IL1RL2: variants seen among roughly 807,000 people sequenced by gnomAD.
The protein encoded by IL1RL2 is interleukin 1 receptor like 2, also known as interleukin-1 receptor-like 2.
A neutral mutation model predicts 66.8 loss-of-function variants in IL1RL2; 68 were observed. The ratio of observed to expected loss-of-function variants is 1.02; its 90% CI spans 0.84 to 1.25. IL1RL2 has a LOEUF of 1.25. Ranked by LOEUF, IL1RL2 falls within the 50% of genes most tolerant of loss-of-function variation. The probability of loss-of-function intolerance (pLI) is 0.00; values close to 1 mark genes in which losing one functional copy is unlikely to be tolerated. For synonymous variants in IL1RL2, 305 were observed against 264.6 expected (o/e 1.15, Z -1.48); for missense variants, 729 against 709.3 (o/e 1.03, Z -0.32).
intron 6 of IL1RL2, among the ~76,000 whole-genome samples, chr2:102,212,549 A>G (rs758646983): frequency 6.6e-6 from 1 of 152,242 alleles, no homozygotes; most frequent in African/African-American, 2.4e-5. Flanking sequence ...TGCAAGATAT[A>G]TTACAGGAGT....
intron 8 of IL1RL2, among the ~76,000 whole-genome samples, chr2:102,221,505 T>A (rs1690126623): frequency 6.6e-6 from 1 of 152,224 alleles, no homozygotes; most frequent in Non-Finnish European, 1.5e-5. Flanking sequence ...TTAGTGGGAC[T>A]CCTGTATCTT....
chr2:102,227,246 G>A (rs1330180292), intron 9 of IL1RL2, among the ~76,000 whole-genome samples: 1 of 152,162 alleles, frequency 6.6e-6, no homozygotes, highest in African/African-American at 2.4e-5. Flanking sequence ...CCAGAGGCCT[G>A]AGTGACAAGA....
At chr2:102,205,391 C>T (rs7558268) in intron 5 of IL1RL2, among the ~76,000 whole-genome samples, 42,627 of 151,950 alleles carry the variant, frequency 0.28, 6,604 homozygotes, top group East Asian at 0.39. Flanking sequence ...CATTAATGTC[C>T]TTTTCTTTCT....
chr2:102,188,444 C>A (rs1805232), intron 2 of IL1RL2, among the ~76,000 whole-genome samples: 1 of 151,890 alleles, frequency 6.6e-6, no homozygotes, highest in African/African-American at 2.4e-5. Flanking sequence ...AAAAATTAGC[C>A]GGGCGCGGTG....
downstream of IL1RL2, among the ~76,000 whole-genome samples, chr2:102,240,639 T>C (rs1032090583): frequency 2.0e-5 from 3 of 152,222 alleles, no homozygotes; most frequent in East Asian, 1.9e-4. Context: ...AACTTATGCC[T>C]TTCCACTGCA....
chr2:102,201,136 C>T (rs1010539153), intron 4 of IL1RL2, among the ~76,000 whole-genome samples: 3 of 152,028 alleles, frequency 2.0e-5, no homozygotes, highest in African/African-American at 7.3e-5. Flanking sequence ...AGGTGGAGGA[C>T]ATTCCTGCCT....
chr2:102,188,040 A>G, intron 2 of IL1RL2, 115 bp downstream of exon 2: 1 of 967,938 alleles, frequency 1.0e-6, no homozygotes, highest in Non-Finnish European at 1.7e-6. Context: ...TCCCCTCCCC[A>G]GACCGCCAGG....
At chr2:102,189,809 TG>T (rs1269948408) in intron 3 of IL1RL2, among the ~76,000 whole-genome samples, 3 of 152,134 alleles carry the variant, frequency 2.0e-5, no homozygotes, top group African/African-American at 7.2e-5. Flanking sequence ...CAAGCCACCA[TG>T]CTTGGCTAAT....
At chr2:102,229,177 G>A (rs1223776760) in intron 9 of IL1RL2, among the ~76,000 whole-genome samples, 2 of 152,186 alleles carry the variant, frequency 1.3e-5, no homozygotes, top group Non-Finnish European at 2.9e-5. Flanking sequence ...TCATAGATAT[G>A]AATTTATGTG....
chr2:102,201,512 T>A, intron 4 of IL1RL2, 44 bp from the exon 5 acceptor site: 1 of 1,574,970 alleles, frequency 6.3e-7, no homozygotes, highest in Non-Finnish European at 8.7e-7. Flanking sequence ...TCACACAGGT[T>A]TCTAAGTATT....
intron 6 of IL1RL2, among the ~76,000 whole-genome samples, chr2:102,214,721 G>C (rs547856983): frequency 1.3e-5 from 1 of 79,894 alleles, no homozygotes; most frequent in Admixed American, 1.2e-4. Flanking sequence ...GCTGGAAACA[G>C]TTAGCCAAGA....
intron 6 of IL1RL2, among the ~76,000 whole-genome samples, chr2:102,216,660 TTC>T (rs1199875376): frequency 1.3e-5 from 2 of 152,126 alleles, no homozygotes; most frequent in East Asian, 3.8e-4. Flanking sequence ...GCTTCTTTCT[TTC>T]TCTCTTGTTT....
chr2:102,226,908 C>A (rs774355307), intron 9 of IL1RL2, among the ~76,000 whole-genome samples: 5 of 152,174 alleles, frequency 3.3e-5, no homozygotes, highest in Non-Finnish European at 7.3e-5. Context: ...GGCCACAGGG[C>A]GGCCTCTATT....
intron 1 of IL1RL2, 47 bp downstream of exon 1, chr2:102,187,133 C>A: frequency 7.8e-7 from 1 of 1,284,204 alleles, no homozygotes; most frequent in Non-Finnish European, 1.0e-6. Flanking sequence ...TGGGTGGGGC[C>A]CTGACAGTAG....
At chr2:102,200,634 G>A (rs940707942) in intron 4 of IL1RL2, among the ~76,000 whole-genome samples, 1 of 152,226 alleles carries the variant, frequency 6.6e-6, no homozygotes, top group Non-Finnish European at 1.5e-5. Context: ...TAGCTAAGCA[G>A]TCACTCTGTG....
At chr2:102,238,980 T>C (rs1559571151) in intron 11 of IL1RL2, among the ~76,000 whole-genome samples, 1 of 152,174 alleles carries the variant, frequency 6.6e-6, no homozygotes, top group Non-Finnish European at 1.5e-5. Flanking sequence ...GGGGCTCTTA[T>C]AGGAAAGGTG....
At chr2:102,190,369 C>T (rs775885313) in intron 3 of IL1RL2, among the ~76,000 whole-genome samples, 1 of 152,182 alleles carries the variant, frequency 6.6e-6, no homozygotes, top group African/African-American at 2.4e-5. Flanking sequence ...ATTACTTGAT[C>T]TCTCTGAGCC....
intron 5 of IL1RL2, among the ~76,000 whole-genome samples, chr2:102,208,458 G>A (rs1470170829): frequency 6.6e-6 from 1 of 152,238 alleles, no homozygotes; most frequent in African/African-American, 2.4e-5. Flanking sequence ...CACTGGACAA[G>A]GAGTTCCTGC....
chr2:102,233,978 C>T (rs112477302), intron 10 of IL1RL2, among the ~76,000 whole-genome samples: 10 of 152,146 alleles, frequency 6.6e-5, no homozygotes, highest in Non-Finnish European at 8.8e-5. Context: ...ATCAGCCAAG[C>T]GGAAGGGCCT....
Sources: gnomAD v4.1 joint callset for allele counts (sites outside exome capture counted in the v4.1 genomes callset) on GRCh38, gnomAD v4.1.1 for gene constraint, MANE v1.5 for transcripts, NCBI Gene and HGNC (gene_info 2026-07-23, HGNC 2026-07-21) for gene names.